CADM2: variants seen among roughly 807,000 people sequenced by gnomAD.
CADM2 encodes the protein cell adhesion molecule 2, also known as immunoglobulin superfamily member 4D.
Under a neutral mutation model 49.8 loss-of-function variants are expected in CADM2, and 12 were observed. The ratio of observed to expected loss-of-function variants is 0.24; its 90% CI spans 0.15 to 0.39. CADM2 has a LOEUF of 0.39. Ranked by LOEUF, CADM2 falls within the 10% of genes least tolerant of loss-of-function variation. The pLI is 1.00. For synonymous variants in CADM2, 214 were observed against 175.4 expected (o/e 1.22, Z -1.74); for missense variants, 378 against 492.3 (o/e 0.77, Z 2.20).
At chr3:85,125,709 T>C (rs905939737) in intron 1 of CADM2, among the ~76,000 whole-genome samples, 2 of 152,224 alleles carry the variant, frequency 1.3e-5, no homozygotes, top group African/African-American at 4.8e-5. Context: ...ATTTATTTCA[T>C]GGTTTTGTGG....
At chr3:85,612,027 T>G (rs904585162) in intron 1 of CADM2, among the ~76,000 whole-genome samples, 3 of 151,774 alleles carry the variant, frequency 2.0e-5, no homozygotes, top group African/African-American at 7.2e-5. Context: ...GAATAGATAT[T>G]TAGGTTATAG....
chr3:85,387,179 G>A (rs2034277497), intron 1 of CADM2, among the ~76,000 whole-genome samples: 1 of 152,108 alleles, frequency 6.6e-6, no homozygotes, highest in African/African-American at 2.4e-5. Flanking sequence ...TACAGACCAT[G>A]CCCATTACAC....
chr3:85,734,593 A>T (rs143456981), intron 2 of CADM2, among the ~76,000 whole-genome samples: 132 of 148,962 alleles, frequency 8.9e-4, no homozygotes, highest in African/African-American at 2.8e-3. Flanking sequence ...ACATACACAT[A>T]TATATACATA....
chr3:85,416,158 G>T (rs2035910618), intron 1 of CADM2, among the ~76,000 whole-genome samples: 1 of 152,026 alleles, frequency 6.6e-6, no homozygotes, highest in Admixed American at 6.6e-5. Context: ...TTTGTAATGT[G>T]AATAAAGCTC....
Position 85,949,003 on chromosome 3 carries a change from C to T in CADM2, c.792-12466C>T, listed in dbSNP as rs116077395. Among the ~76,000 whole-genome samples the T allele has an allele frequency of 3.2e-3, 488 of 151,458 alleles. 1 individual carries two copies. The highest frequency in any genetic ancestry group is 5.2e-3 in the Non-Finnish European group (352 of 67,594). On this transcript the variant is annotated intron_variant, in intron 7 of 9. Transcript: ENST00000383699. ...AAATGTGAGGCATGGTGGACTTAAG[C>T]ACCACCACTCAAAATTGCAAGAATG...
chr3:85,493,709 T>C (rs1435055166), intron 1 of CADM2, among the ~76,000 whole-genome samples: 1 of 152,196 alleles, frequency 6.6e-6, no homozygotes, highest in African/African-American at 2.4e-5. Flanking sequence ...TACTCACCTG[T>C]TGGGAAGAAT....
In CADM2 at chr3:85,412,653, G is replaced by A. The variant is rs369135437; in HGVS notation, c.62-313869G>A. 7.9e-4 allele frequency among the ~76,000 whole-genome samples: 120 copies of A among 151,662 alleles called. No homozygotes were observed. In the South Asian group the frequency reaches 0.02, roughly 25 times the overall value. The stretch of plus-strand genomic sequence containing the variant: ...ACAAGTGGAGCGCTAATAAAGATTA[G>A]GAGTATCCTTTGCTACAAAATTATC... On this transcript the variant is annotated intron_variant, in intron 1 of 9. Coordinates refer to ENST00000383699, the MANE Select transcript of CADM2 (RefSeq NM_001167675.2).
At chr3:86,013,714 A>G in intron 8 of CADM2, 2 of 1,597,328 alleles carry the variant, frequency 1.3e-6, no homozygotes, top group Non-Finnish European at 1.7e-6. Context: ...CTAAGAGAGG[A>G]ATTTATAGGT....
chr3:85,159,040 CA>C (rs2040232465), intron 1 of CADM2, among the ~76,000 whole-genome samples: 1 of 151,976 alleles, frequency 6.6e-6, no homozygotes, highest in African/African-American at 2.4e-5. Flanking sequence ...AGTTTATATT[CA>C]AAGCTATAAG....
At chr3:85,899,533 A>G (rs1338807454) in intron 5 of CADM2, among the ~76,000 whole-genome samples, 1 of 151,790 alleles carries the variant, frequency 6.6e-6, no homozygotes, top group Non-Finnish European at 1.5e-5. Flanking sequence ...TGGTTTTTTT[A>G]TTAGGTTCCA....
intron 6 of CADM2, among the ~76,000 whole-genome samples, chr3:85,913,797 A>C (rs1452817060): frequency 6.6e-6 from 1 of 152,200 alleles, no homozygotes; most frequent in East Asian, 1.9e-4. Flanking sequence ...GGCTGCAAGG[A>C]AAATAAAGCA....
chr3:85,232,122 T>C (rs2042306739), intron 1 of CADM2, among the ~76,000 whole-genome samples: 1 of 139,684 alleles, frequency 7.2e-6, no homozygotes, highest in African/African-American at 2.8e-5. Context: ...TGTTATTTTG[T>C]TCGATTTGAA....
At chr3:85,615,128 A>C (rs935432507) in intron 1 of CADM2, among the ~76,000 whole-genome samples, 4 of 151,768 alleles carry the variant, frequency 2.6e-5, no homozygotes, top group African/African-American at 9.7e-5. Context: ...ATTTATTTAT[A>C]ATTTCATATT....
chr3:85,407,677 T>C (rs1209205512), intron 1 of CADM2, among the ~76,000 whole-genome samples: 1 of 151,972 alleles, frequency 6.6e-6, no homozygotes, highest in Non-Finnish European at 1.5e-5. Context: ...AAACTGAAGA[T>C]TGTGAAGAAT....
intron 1 of CADM2, among the ~76,000 whole-genome samples, chr3:85,651,262 G>A (rs1182691719): frequency 2.6e-5 from 4 of 152,008 alleles, no homozygotes; most frequent in African/African-American, 7.2e-5. Context: ...ATATTTCATT[G>A]CTATTCTTGA....
At chr3:85,702,465 T>G (rs2066810390) in intron 1 of CADM2, among the ~76,000 whole-genome samples, 1 of 152,174 alleles carries the variant, frequency 6.6e-6, no homozygotes, top group Admixed American at 6.5e-5. Flanking sequence ...CCTCATATTT[T>G]CATTACCTTG....
chr3:85,227,145 TG>T (rs2042180484), intron 1 of CADM2, among the ~76,000 whole-genome samples: 1 of 152,192 alleles, frequency 6.6e-6, no homozygotes, highest in South Asian at 2.1e-4. Context: ...TAGGTCCACT[TG>T]GTCCAAAGCT....
intron 6 of CADM2, among the ~76,000 whole-genome samples, chr3:85,927,690 T>C (rs1460745254): frequency 6.6e-6 from 1 of 152,208 alleles, no homozygotes; most frequent in Non-Finnish European, 1.5e-5. Flanking sequence ...CTCACTACAT[T>C]ATGCAATATA....
At chr3:85,707,249 G>A (rs919327113) in intron 1 of CADM2, among the ~76,000 whole-genome samples, 1 of 151,878 alleles carries the variant, frequency 6.6e-6, no homozygotes, top group African/African-American at 2.4e-5. Flanking sequence ...TGAATTTGTG[G>A]AATTGCTACT....
Sources: gnomAD v4.1 joint callset for allele counts (sites outside exome capture counted in the v4.1 genomes callset) on GRCh38, gnomAD v4.1.1 for gene constraint, MANE v1.5 for transcripts, NCBI Gene and HGNC (gene_info 2026-07-23, HGNC 2026-07-21) for gene names.